Variants in ADCY1 observed in about 807,000 individuals in gnomAD.
The protein encoded by ADCY1 is adenylate cyclase type 1.
ADCY1 carries 28 observed loss-of-function variants against 105.4 expected under a neutral mutation model. That is an observed-to-expected ratio of 0.27 (90% CI 0.20 to 0.36). ADCY1 has a LOEUF of 0.36. Among genes scored for constraint, ADCY1 ranks in the 10% least tolerant of loss-of-function variants. ADCY1 has a pLI of 1.00. For synonymous variants in ADCY1, 655 were observed against 623.8 expected (o/e 1.05, Z -0.75); for missense variants, 977 against 1,434.2 (o/e 0.68, Z 5.15).
intron 6 of ADCY1, among the ~76,000 whole-genome samples, chr7:45,658,633 C>A (rs920833695): frequency 3.9e-5 from 6 of 152,256 alleles, no homozygotes; most frequent in African/African-American, 1.4e-4. Flanking sequence ...TTCCTCTCCC[C>A]GTTGGCTCCC....
chr7:45,685,000 A>G lies in ADCY1; in HGVS notation c.2005A>G (p.Ile669Val). Residue 669 changes from isoleucine to valine, a missense_variant, in exon 12 of 20, where the codon ATT becomes GTT. By Grantham distance (29) the Ile-to-Val change is conservative (BLOSUM62 3). Coordinates refer to ENST00000297323, the MANE Select transcript of ADCY1 (RefSeq NM_021116.4). ...RVQCFPGCLTIQIRTVLCIFI... is the reference protein window; with the variant it reads ...RVQCFPGCLTVQIRTVLCIFI... Reference sequence around the variant, plus strand: ...TCAGTGTTTTCCAGGGTGCCTGACGATTCAGATTCGCACTGTCCTGTGTAT... The same window carrying G: ...TCAGTGTTTTCCAGGGTGCCTGACGGTTCAGATTCGCACTGTCCTGTGTAT... 1.2e-6 allele frequency: 2 copies of G among 1,614,192 alleles called. No individual in the cohort carries two copies. Among genetic ancestry groups the G allele is most frequent in the Non-Finnish European group, 1.7e-6 (2 of 1,180,010 alleles).
At chr7:45,629,763 C>T (rs7809348) in intron 4 of ADCY1, among the ~76,000 whole-genome samples, 4,311 of 152,284 alleles carry the variant, frequency 0.028, 83 homozygotes, top group African/African-American at 0.049. Context: ...TCATGATCCA[C>T]CCGCCTCGGC....
intron 4 of ADCY1, among the ~76,000 whole-genome samples, chr7:45,638,824 A>G (rs915732177): frequency 3.9e-5 from 6 of 152,104 alleles, no homozygotes; most frequent in Non-Finnish European, 8.8e-5. Context: ...AATGGTTTAT[A>G]GTGAGTCGTG....
rs1391283524 is a variant in ADCY1, at chr7:45,718,216, G to C, written c.*4221G>C. On this transcript the variant is annotated 3_prime_UTR_variant, in exon 20 of 20. Transcript: ENST00000297323. ...ACTCCATCCAAGATCCGTTCCAATT[G>C]ATGAGCCTCAGTACTGGCCTCACAC... 1.3e-5 allele frequency: 2 copies of C among 152,316 alleles called. No individual in the cohort carries two copies. Among genetic ancestry groups the C allele is most frequent in the Non-Finnish European group, 2.9e-5 (2 of 68,120 alleles). 9.4% of individuals were successfully genotyped at this position (152,316 alleles called of 1,614,324 possible).
intron 1 of ADCY1, among the ~76,000 whole-genome samples, chr7:45,592,205 A>T (rs2115775187): frequency 6.6e-6 from 1 of 152,140 alleles, no homozygotes; most frequent in African/African-American, 2.4e-5. Flanking sequence ...GGGCACCTTA[A>T]ACAACAGAAA....
intron 4 of ADCY1, among the ~76,000 whole-genome samples, chr7:45,633,050 T>A (rs1405300766): frequency 1.3e-5 from 2 of 152,088 alleles, no homozygotes; most frequent in African/African-American, 4.8e-5. Context: ...CTGGAGTAAC[T>A]GAGATTACAG....
Position 45,715,034 on chromosome 7 carries a change from T to G in ADCY1, c.*1039T>G, listed in dbSNP as rs139789848. ...AACCCTCCAGGACGAAGTTTCAGAATTGGCTGATGGTCGTGAGTGCAGGTG... is the reference window on the plus strand; with the variant it reads ...AACCCTCCAGGACGAAGTTTCAGAAGTGGCTGATGGTCGTGAGTGCAGGTG... On this transcript the variant is annotated 3_prime_UTR_variant, in exon 20 of 20. Coordinates refer to ENST00000297323, the MANE Select transcript of ADCY1 (RefSeq NM_021116.4). 8.2e-4 allele frequency: 125 copies of G among 152,374 alleles called. No homozygotes were observed. Among genetic ancestry groups the G allele is most frequent in the African/African-American group, 3.0e-3 (123 of 41,580 alleles). 9.4% of individuals were successfully genotyped at this position (152,374 alleles called of 1,614,324 possible). A position where few individuals can be genotyped will look rare whatever the true frequency, so the allele number is the denominator to read the frequency against.
chr7:45,624,151 C>G (rs1470985155), intron 4 of ADCY1, among the ~76,000 whole-genome samples: 1 of 152,142 alleles, frequency 6.6e-6, no homozygotes, highest in Non-Finnish European at 1.5e-5. Context: ...TGGGGGCTGG[C>G]TTGTGCAGAG....
intron 1 of ADCY1, among the ~76,000 whole-genome samples, chr7:45,579,952 C>G (rs558892121): frequency 6.7e-6 from 1 of 149,162 alleles, no homozygotes; most frequent in African/African-American, 2.5e-5. Flanking sequence ...CCGTCCCCCC[C>G]TTCCCCCTTC....
chr7:45,705,573 C>A (rs1256647774), intron 17 of ADCY1, among the ~76,000 whole-genome samples: 1 of 152,076 alleles, frequency 6.6e-6, no homozygotes, highest in Non-Finnish European at 1.5e-5. Context: ...AAGACAACAC[C>A]TCAGTTTGAT....
rs1281383000 is a variant in ADCY1 at position 45,660,108 on chromosome 7, C to T, written c.1374C>T (p.Tyr458=). The change falls in exon 7 of 20, where the codon TAC becomes TAT. Residue 458 remains tyrosine (Y), a synonymous_variant. Coordinates refer to ENST00000297323, the MANE Select transcript of ADCY1 (RefSeq NM_021116.4). The stretch of plus-strand genomic sequence containing the variant: ...GGGACTACGAGGTAGAACCGGGTTA[C>T]GGACATGAGAGGAACAGTTTCTTGA... ...LNGDYEVEPG[Y]GHERNSFLKT... The T allele has an allele frequency of 5.0e-6, 8 of 1,614,238 alleles. No homozygotes were observed. Among genetic ancestry groups the T allele is most frequent in the Admixed American group, 1.7e-5 (1 of 60,030 alleles).
chr7:45,705,481 G>C (rs2139895), intron 17 of ADCY1, among the ~76,000 whole-genome samples: 1 of 151,910 alleles, frequency 6.6e-6, no homozygotes, highest in Non-Finnish European at 1.5e-5. Context: ...TTATATAATC[G>C]TATCAATTGA....
intron 8 of ADCY1, among the ~76,000 whole-genome samples, chr7:45,674,891 G>A (rs1450767476): frequency 6.6e-6 from 1 of 152,032 alleles, no homozygotes; most frequent in Non-Finnish European, 1.5e-5. Context: ...TTTGCATGGT[G>A]TATAATTTCT....
Position 45,703,668 on chromosome 7 carries a change from C to T in ADCY1, c.2640C>T (p.Phe880=). The T allele has an allele frequency of 1.9e-6, 3 of 1,613,336 alleles. No homozygotes were observed. The highest frequency in any genetic ancestry group is 2.5e-6 in the Non-Finnish European group (3 of 1,179,598). The part of the protein sequence containing the change: ...MFASIPNFND[F]YIELDGNNMG... ...CCTCCATCCCCAACTTCAATGACTTCTACATCGAGCTGGACGGCAACAACA... is the reference window on the plus strand; with the variant it reads ...CCTCCATCCCCAACTTCAATGACTTTTACATCGAGCTGGACGGCAACAACA... The change falls in exon 16 of 20, where the codon TTC becomes TTT. Residue 880 remains phenylalanine (F), a synonymous_variant. Transcript: ENST00000297323. The surrounding 1 kb of genome is among the most constrained non-coding windows in gnomAD (Gnocchi z 5.9).
intron 4 of ADCY1, among the ~76,000 whole-genome samples, chr7:45,634,020 G>T (rs1038371634): frequency 6.6e-6 from 1 of 152,060 alleles, no homozygotes; most frequent in South Asian, 2.1e-4. Flanking sequence ...TCAACTGTGT[G>T]GGGGGTTGTC....
At chr7:45,612,346 G>A (rs531880854) in intron 3 of ADCY1, among the ~76,000 whole-genome samples, 6 of 152,292 alleles carry the variant, frequency 3.9e-5, no homozygotes, top group African/African-American at 1.4e-4. Flanking sequence ...AGGAAATTTA[G>A]GTTCAACAAA....
chr7:45,592,145 C>A (rs1406259624), intron 1 of ADCY1, among the ~76,000 whole-genome samples: 1 of 150,092 alleles, frequency 6.7e-6, no homozygotes, highest in Non-Finnish European at 1.5e-5. Context: ...CATATGTATT[C>A]TCCAGGGGTC....
At chr7:45,709,278 G>C (rs540285238) in intron 18 of ADCY1, among the ~76,000 whole-genome samples, 1 of 152,312 alleles carries the variant, frequency 6.6e-6, no homozygotes, top group East Asian at 1.9e-4. Context: ...CTACTGATGT[G>C]CCTGAAAATC....
intron 2 of ADCY1, among the ~76,000 whole-genome samples, chr7:45,593,209 G>A (rs998108147): frequency 3.3e-5 from 5 of 152,228 alleles, no homozygotes; most frequent in African/African-American, 1.2e-4. Context: ...GGAGGACGAG[G>A]CAGGTCCTGG....
Sources: gnomAD v4.1 joint callset for allele counts (sites outside exome capture counted in the v4.1 genomes callset) on GRCh38, gnomAD v4.1.1 for gene constraint, Gnocchi (gnomAD v3.1) non-coding constraint, MANE v1.5 for transcripts, NCBI Gene and HGNC (gene_info 2026-07-23, HGNC 2026-07-21) for gene names.